Variants in GLDC observed in about 807,000 individuals in gnomAD.
The protein encoded by GLDC is glycine decarboxylase.
Under a neutral mutation model 121.3 loss-of-function variants are expected in GLDC, and 104 were observed. That is an observed-to-expected ratio of 0.86 (90% CI 0.73 to 1.01). The LOEUF (loss-of-function observed/expected upper bound fraction) is 1.01. GLDC is among the 50% of genes least tolerant of loss of function. GLDC has a pLI of 0.00. For synonymous variants in GLDC, 546 were observed against 480.6 expected (o/e 1.14, Z -1.78); for missense variants, 1,429 against 1,306.6 (o/e 1.09, Z -1.44).
At chr9:6,626,164 G>C (rs1378422563) in intron 2 of GLDC, among the ~76,000 whole-genome samples, 1 of 151,780 alleles carries the variant, frequency 6.6e-6, no homozygotes, top group East Asian at 1.9e-4. Context: ...AGTAGCCCTA[G>C]CTGTTATGTT....
chr9:6,599,456 C>G (rs1032357201), intron 8 of GLDC, among the ~76,000 whole-genome samples: 1 of 152,070 alleles, frequency 6.6e-6, no homozygotes, highest in Non-Finnish European at 1.5e-5. Context: ...GGCATGGCGG[C>G]TTATGCCTGT....
chr9:6,536,734 A>G (rs1414210619), intron 22 of GLDC, among the ~76,000 whole-genome samples: 3 of 152,188 alleles, frequency 2.0e-5, no homozygotes. Context: ...ATCATGTATT[A>G]TGTGCAATTA....
chr9:6,556,332 T>C (rs1817630793), intron 17 of GLDC, 30 bp from the exon 18 acceptor site: 4 of 1,594,788 alleles, frequency 2.5e-6, no homozygotes, highest in African/African-American at 1.3e-5. Flanking sequence ...GAGAAGGACA[T>C]GGAGGGAGGA....
Position 6,593,638 on chromosome 9 carries a change from A to C in GLDC, c.1262-648T>G, listed in dbSNP as rs191576114. Among the ~76,000 whole-genome samples, 5 of 150,698 alleles carry C rather than the reference A, an allele frequency of 3.3e-5. No homozygotes were observed. In the East Asian group the frequency reaches 7.9e-4, roughly 24 times the overall value. ...TTCCTATAGATCACTATTTTAAACC[A>C]TATTTAATGGCTGTACAATAGTCAA... is the stretch of plus-strand genomic sequence containing the variant. On this transcript the variant is annotated intron_variant, in intron 9 of 24. Coordinates refer to ENST00000321612, the MANE Select transcript of GLDC (RefSeq NM_000170.3).
chr9:6,566,832 C>T (rs1587932519), intron 15 of GLDC, among the ~76,000 whole-genome samples: 1 of 151,934 alleles, frequency 6.6e-6, no homozygotes, highest in East Asian at 1.9e-4. Context: ...TTAATGTTAC[C>T]CACAGAAAAT....
chr9:6,626,828 G>C (rs753008915), intron 2 of GLDC, among the ~76,000 whole-genome samples: 9 of 152,112 alleles, frequency 5.9e-5, no homozygotes, highest in African/African-American at 1.2e-4. Context: ...TCAGGCACTG[G>C]TCATGCCCTG....
At chr9:6,575,738 A>C (rs1262786880) in intron 15 of GLDC, among the ~76,000 whole-genome samples, 1 of 152,208 alleles carries the variant, frequency 6.6e-6, no homozygotes, top group Non-Finnish European at 1.5e-5. Flanking sequence ...TTCACTTTAC[A>C]TATCCATGGG....
At chr9:6,540,728 A>C (rs1817238925) in intron 21 of GLDC, 1 of 159,716 alleles carries the variant, frequency 6.3e-6, no homozygotes, top group African/African-American at 2.4e-5. Flanking sequence ...CGCGACGTCA[A>C]ACAGTATACC....
chr9:6,534,875 C>T (rs780736981), intron 23 of GLDC, 87 bp from the exon 24 acceptor site: 2 of 752,334 alleles, frequency 2.7e-6, no homozygotes, highest in Non-Finnish European at 4.9e-6. Flanking sequence ...AATCTTCTGA[C>T]AGGAGCCCAG....
At chr9:6,631,041 A>C (rs1057333899) in intron 2 of GLDC, among the ~76,000 whole-genome samples, 1 of 152,226 alleles carries the variant, frequency 6.6e-6, no homozygotes, top group African/African-American at 2.4e-5. Flanking sequence ...CACAGCGTAC[A>C]GAGGAAACTG....
intron 16 of GLDC, among the ~76,000 whole-genome samples, chr9:6,559,083 T>C (rs755062638): frequency 6.6e-6 from 1 of 152,212 alleles, no homozygotes; most frequent in Non-Finnish European, 1.5e-5. Flanking sequence ...CTGCTTGGCT[T>C]ATCCAGGACA....
At chr9:6,593,121 C>G (rs1818411354) in intron 9 of GLDC, 131 bp from the exon 10 acceptor site, 2 of 887,154 alleles carry the variant, frequency 2.3e-6, no homozygotes. Context: ...TTGGTGATTG[C>G]TTTTTAAAAA....
intron 7 of GLDC, among the ~76,000 whole-genome samples, chr9:6,604,024 A>G (rs1818679955): frequency 6.6e-6 from 1 of 151,502 alleles, no homozygotes; most frequent in South Asian, 2.1e-4. Context: ...CACCGCACCC[A>G]GCCCTTTTTT....
intron 8 of GLDC, among the ~76,000 whole-genome samples, chr9:6,596,569 C>G (rs1261747914): frequency 6.6e-6 from 1 of 152,018 alleles, no homozygotes; most frequent in Admixed American, 6.6e-5. Flanking sequence ...AACAAGACCC[C>G]ATCTCTAAAA....
At chr9:6,592,465 C>T (rs548444491) in intron 10 of GLDC, among the ~76,000 whole-genome samples, 82 of 152,346 alleles carry the variant, frequency 5.4e-4, no homozygotes, top group Non-Finnish European at 1.0e-3. Flanking sequence ...CAGGACACTC[C>T]TTTTGAAGCT....
chr9:6,635,585 A>G (rs1201527104), intron 2 of GLDC, among the ~76,000 whole-genome samples: 2 of 152,138 alleles, frequency 1.3e-5, no homozygotes. Flanking sequence ...TAATAATAAT[A>G]ATAGGATCTG....
intron 14 of GLDC, among the ~76,000 whole-genome samples, chr9:6,587,668 A>T (rs936613772): frequency 6.6e-6 from 1 of 152,196 alleles, no homozygotes; most frequent in East Asian, 1.9e-4. Context: ...AACAAACACA[A>T]AAGTAAATGG....
In GLDC at chr9:6,593,286, T is replaced by TATATATATAA. The variant is rs1333210071; in HGVS notation, c.1262-297_1262-296insTTATATATAT. On this transcript the variant is annotated intron_variant, in intron 9 of 24. Coordinates refer to ENST00000321612, the MANE Select transcript of GLDC (RefSeq NM_000170.3). ...AGTATCAGATATATATATATATATA[T>TATATATATAA]AAAATTATACCTTTTTTTTTTTGAG... is the stretch of plus-strand genomic sequence containing the variant. 1.6e-3 allele frequency among the ~76,000 whole-genome samples: 242 copies of TATATATATAA among 150,682 alleles called. 1 individual carries two copies. The highest frequency in any genetic ancestry group is 5.8e-3 in the African/African-American group (240 of 41,084).
intron 15 of GLDC, among the ~76,000 whole-genome samples, chr9:6,577,910 T>C (rs556092935): frequency 3.2e-4 from 49 of 151,808 alleles, no homozygotes; most frequent in African/African-American, 1.2e-3. Flanking sequence ...GAAGATTAAG[T>C]TGGTTTAAGA....
Sources: allele counts gnomAD v4.1 joint callset (sites outside exome capture counted in the v4.1 genomes callset), GRCh38; gene constraint gnomAD v4.1.1; transcripts MANE v1.5; gene names NCBI Gene and HGNC (gene_info 2026-07-23, HGNC 2026-07-21).